Variants in INTS6 observed in about 807,000 individuals in gnomAD.
The protein encoded by INTS6 is DEAD box protein.
Under a neutral mutation model 104.9 loss-of-function variants are expected in INTS6, and 16 were observed. The observed-to-expected ratio is 0.15, with a 90% CI of 0.10 to 0.23. INTS6 has a LOEUF of 0.23. Among genes scored for constraint, INTS6 ranks in the 10% least tolerant of loss-of-function variants. The probability of loss-of-function intolerance (pLI) is 1.00; values close to 1 mark genes in which losing one functional copy is unlikely to be tolerated. For synonymous variants in INTS6, 324 were observed against 358.7 expected, an observed-to-expected ratio of 0.90 and a Z score of 1.09; for missense variants, 584 against 1,062.8, an observed-to-expected ratio of 0.55 and a Z score of 6.26.
At chr13:51,392,951 T>A (rs897984211) in intron 5 of INTS6, among the ~76,000 whole-genome samples, 2 of 152,114 alleles carry the variant, frequency 1.3e-5, no homozygotes, top group East Asian at 3.9e-4. Flanking sequence ...AAAAAATACA[T>A]AGAAAGAAAT....
At chr13:51,428,959 GAAT>G (rs764927523) in intron 4 of INTS6, among the ~76,000 whole-genome samples, 57 of 152,216 alleles carry the variant, frequency 3.7e-4, no homozygotes, top group Middle Eastern at 3.4e-3. Context: ...CCTCATGAAA[GAAT>G]AATACTATAT....
chr13:51,395,635 T>A (rs1257937072), intron 4 of INTS6, 152 bp from the exon 5 acceptor site: 3 of 651,524 alleles, frequency 4.6e-6, no homozygotes, highest in South Asian at 4.5e-5. Flanking sequence ...CAGACATAGC[T>A]AAAACAGCAC....
chr13:51,389,265 T>C (rs1401912588), intron 6 of INTS6, 54 bp downstream of exon 6: 6 of 1,583,726 alleles, frequency 3.8e-6, no homozygotes, highest in Non-Finnish European at 5.1e-6. Flanking sequence ...TCAGTTCTAG[T>C]TGAATAAACA....
intron 4 of INTS6, among the ~76,000 whole-genome samples, chr13:51,421,798 T>C (rs1956900091): frequency 6.6e-6 from 1 of 152,098 alleles, no homozygotes; most frequent in Admixed American, 6.6e-5. Context: ...GCCAATCTAT[T>C]AAATAAAAAA....
At chr13:51,348,847 A>AGTCCCCCCATGACCCCCT in the INTS6 span, among the ~76,000 whole-genome samples, 15 of 151,868 alleles carry the variant, frequency 9.9e-5, no homozygotes, top group African/African-American at 2.2e-4. Flanking sequence ...TACGTAATTG[A>AGTCCCCCCATGACCCCCT]GCAAGTACAG....
chr13:51,364,403 C>A lies in INTS6; in HGVS notation c.*1349G>T. The A allele has an allele frequency of 1.9e-6, 1 of 522,596 alleles. No individual in the cohort carries two copies. Among genetic ancestry groups the A allele is most frequent in the Non-Finnish European group, 3.3e-6 (1 of 306,902 alleles). 32.4% of individuals were successfully genotyped at this position (522,596 alleles called of 1,614,324 possible). On this transcript the variant is annotated 3_prime_UTR_variant, in exon 18 of 18. Transcript: ENST00000311234. ...TAAAAAGCTAAGGGTATGTGATTTT[C>A]AATATTATAAACCTAAAAATACTTC...
At chr13:51,373,315 T>G (rs1450864068) in intron 15 of INTS6, among the ~76,000 whole-genome samples, 1 of 152,130 alleles carries the variant, frequency 6.6e-6, no homozygotes, top group Non-Finnish European at 1.5e-5. Flanking sequence ...GACCACTATA[T>G]ATAATTGATA....
Position 51,362,804 on chromosome 13 carries a change from T to A in INTS6, c.*2948A>T, listed in dbSNP as rs1288605273. 1 of 152,444 alleles carries A rather than the reference T, an allele frequency of 6.6e-6. No individual in the cohort carries two copies. The highest frequency in any genetic ancestry group is 1.5e-5 in the Non-Finnish European group (1 of 67,928). The allele number at this position is 152,444 out of a possible 1,614,324, so 9.4% of individuals were successfully genotyped here. A position where few individuals can be genotyped will look rare whatever the true frequency, so the allele number is the denominator to read the frequency against. ...TCTGAGAATCATTTGCATCCTGCTG[T>A]ACCTTGTGCTAGAAATCAAAGGAAC... On this transcript the variant is annotated 3_prime_UTR_variant, in exon 18 of 18. Coordinates refer to ENST00000311234, the MANE Select transcript of INTS6 (RefSeq NM_012141.3).
At chr13:51,355,796 C>G (rs1955472243) in intron 3 of INTS6, among the ~76,000 whole-genome samples, 1 of 152,168 alleles carries the variant, frequency 6.6e-6, no homozygotes, top group African/African-American at 2.4e-5. Flanking sequence ...GTTCTACAAT[C>G]CTCTCAAGAC....
intron 4 of INTS6, among the ~76,000 whole-genome samples, chr13:51,404,511 C>T (rs946546774): frequency 6.6e-6 from 1 of 152,064 alleles, no homozygotes; most frequent in African/African-American, 2.4e-5. Context: ...GCCTACCTGA[C>T]ACCTTGAACA....
intron 3 of INTS6, chr13:51,438,320 AT>A (rs1952732081): frequency 6.6e-6 from 1 of 152,098 alleles, no homozygotes; most frequent in African/African-American, 2.4e-5. Context: ...AACAAAAAAA[AT>A]CTAACTACAT....
At position 51,369,330 on chromosome 13, in the gene INTS6, G is replaced by A. The variant is rs771743187; in HGVS notation, c.2105-20C>T. 1.3e-6 allele frequency: 2 copies of A among 1,577,238 alleles called. No individual in the cohort carries two copies. The highest frequency in any genetic ancestry group is 8.6e-7 in the Non-Finnish European group (1 of 1,161,812). On this transcript the variant is annotated intron_variant, in intron 15 of 17. Coordinates refer to ENST00000311234, the MANE Select transcript of INTS6 (RefSeq NM_012141.3). The stretch of plus-strand genomic sequence containing the variant: ...CTGAAACTAAAAACAAAGATACGGG[G>A]AAAAAATTATGGGATCCAGTCTCAA...
chr13:51,383,443 C>T lies in INTS6; in HGVS notation c.1066G>A (p.Ala356Thr), dbSNP rs771741458. The T allele has an allele frequency of 6.2e-7, 1 of 1,613,688 alleles. No homozygotes were observed. The highest frequency in any genetic ancestry group is 2.2e-5 in the East Asian group (1 of 44,838). ...TCWQVYVSNS[A>T]KYSELGHPFG... is the part of the protein sequence containing the mutation. ...GGATGACCAAGTTCACTGTATTTTG[C>T]ACTATTGCTCACGTACACCTGTTAA... The change falls in exon 9 of 18, where the codon GCA (alanine) becomes ACA (threonine). Residue 356 changes from alanine to threonine, a missense_variant. Ala to Thr is a moderately conservative substitution (Grantham distance 58). This residue lies in a region of INTS6 where 144 missense variants were observed against 348.7 expected (regional missense o/e 0.41). Transcript: ENST00000311234.
chr13:51,420,987 T>A (rs751846555), intron 4 of INTS6: 33 of 337,372 alleles, frequency 9.8e-5, no homozygotes, highest in Non-Finnish European at 1.4e-4. Context: ...AACCAATTTA[T>A]AAGCTCAAAG....
intron 11 of INTS6, among the ~76,000 whole-genome samples, chr13:51,378,816 T>C (rs1955987616): frequency 6.6e-6 from 1 of 152,082 alleles, no homozygotes; most frequent in Admixed American, 6.6e-5. Context: ...ATCATCATTA[T>C]GTAAGACATT....
At chr13:51,443,438 A>G (rs1029309202) in intron 3 of INTS6, 4 of 152,230 alleles carry the variant, frequency 2.6e-5, no homozygotes, top group Non-Finnish European at 5.9e-5. Flanking sequence ...AAAATGTTAG[A>G]GATCAGAAAA....
At chr13:51,370,649 G>A (rs751725285) in intron 15 of INTS6, among the ~76,000 whole-genome samples, 62 of 152,164 alleles carry the variant, frequency 4.1e-4, no homozygotes, top group Non-Finnish European at 1.3e-4. Flanking sequence ...TGGTGGGCTG[G>A]ACAGGATAAC....
the INTS6 span, among the ~76,000 whole-genome samples, chr13:51,342,872 T>C: frequency 6.6e-6 from 1 of 152,184 alleles, no homozygotes; most frequent in East Asian, 1.9e-4. Flanking sequence ...CTTACTACAC[T>C]CAAATGCAAG....
At chr13:51,409,775 C>A (rs1433980544) in intron 4 of INTS6, among the ~76,000 whole-genome samples, 2 of 151,600 alleles carry the variant, frequency 1.3e-5, no homozygotes, top group East Asian at 3.9e-4. Flanking sequence ...TACATTGAAG[C>A]AAGAAAAAGA....
Sources: gnomAD v4.1 joint callset for allele counts (sites outside exome capture counted in the v4.1 genomes callset) on GRCh38, gnomAD v4.1.1 for gene constraint, gnomAD v4.1.1 regional missense constraint, MANE v1.5 for transcripts, NCBI Gene and HGNC (gene_info 2026-07-23, HGNC 2026-07-21) for gene names.